Variants in SLC1A3 observed in about 807,000 individuals in gnomAD.
SLC1A3 encodes the protein excitatory amino acid transporter 1.
SLC1A3 carries 21 observed loss-of-function variants against 48.1 expected under a neutral mutation model. The observed-to-expected ratio is 0.44, with a 90% CI of 0.31 to 0.63. SLC1A3 has a LOEUF of 0.63. Among genes scored for constraint, SLC1A3 ranks in the 20% least tolerant of loss-of-function variants. SLC1A3 has a pLI of 0.08. For missense variants in SLC1A3, 546 were observed against 689.0 expected (o/e 0.79, Z 2.32); for synonymous variants, 239 against 251.4 (o/e 0.95, Z 0.47).
At chr5:36,627,494 C>CT (rs1254431488) in intron 2 of SLC1A3, among the ~76,000 whole-genome samples, 21 of 140,614 alleles carry the variant, frequency 1.5e-4, no homozygotes, top group African/African-American at 4.8e-4. Context: ...TAAAACTACA[C>CT]TAAAAAAAAA....
chr5:36,596,819 A>G (rs185014023), intron 1 of SLC1A3, among the ~76,000 whole-genome samples: 12 of 152,298 alleles, frequency 7.9e-5, no homozygotes, highest in Admixed American at 2.6e-4. Context: ...AATGTTAGCA[A>G]TTGTGACGAT....
At chr5:36,654,875 GA>G (rs1213177576) in intron 3 of SLC1A3, among the ~76,000 whole-genome samples, 2 of 152,214 alleles carry the variant, frequency 1.3e-5, no homozygotes, top group Admixed American at 6.5e-5. Flanking sequence ...GTTTGCATCT[GA>G]AAAGGTAAAC....
chr5:36,672,979 C>T (rs1742057236), intron 4 of SLC1A3, among the ~76,000 whole-genome samples: 2 of 152,258 alleles, frequency 1.3e-5, no homozygotes, highest in South Asian at 4.1e-4. Flanking sequence ...TTGTCATCCC[C>T]AGTCTGGTTG....
chr5:36,645,016 G>A (rs1740778677), intron 3 of SLC1A3, among the ~76,000 whole-genome samples: 2 of 152,182 alleles, frequency 1.3e-5, no homozygotes, highest in South Asian at 4.1e-4. Context: ...GATTTTACAA[G>A]CTGCTTCAGT....
chr5:36,680,644 G>A (rs1214110082), intron 8 of SLC1A3, 55 bp downstream of exon 8: 23 of 1,482,248 alleles, frequency 1.6e-5, no homozygotes, highest in South Asian at 2.3e-5. Context: ...AAGGCTGGGC[G>A]TGGTGGCTCA....
chr5:36,634,820 A>G (rs1313048380), intron 3 of SLC1A3, among the ~76,000 whole-genome samples: 3 of 152,214 alleles, frequency 2.0e-5, no homozygotes, highest in African/African-American at 7.2e-5. Flanking sequence ...GCAGTGAGCT[A>G]GAATCACCAG....
intron 3 of SLC1A3, among the ~76,000 whole-genome samples, chr5:36,660,100 T>C (rs1467009228): frequency 6.6e-6 from 1 of 152,252 alleles, no homozygotes; most frequent in Non-Finnish European, 1.5e-5. Flanking sequence ...AGTGTGACTA[T>C]ATTTTACTCA....
At chr5:36,678,398 C>T (rs746679600) in intron 6 of SLC1A3, among the ~76,000 whole-genome samples, 5 of 152,308 alleles carry the variant, frequency 3.3e-5, no homozygotes, top group Non-Finnish European at 7.3e-5. Context: ...CACCTTTCAC[C>T]TCTTTTATGA....
Position 36,625,918 on chromosome 5 carries a change from A to G in SLC1A3, c.182-3532A>G, listed in dbSNP as rs142476361. 2.2e-3 allele frequency among the ~76,000 whole-genome samples: 331 copies of G among 152,352 alleles called. 2 individuals carry two copies. Among genetic ancestry groups the G allele is most frequent in the African/African-American group, 7.7e-3 (322 of 41,584 alleles). On this transcript the variant is annotated intron_variant, in intron 2 of 9. Coordinates refer to ENST00000265113, the MANE Select transcript of SLC1A3 (RefSeq NM_004172.5). ...TCCCAGCAAGACCAGCTTGCTGACT[A>G]TAAGGAGAGACACACACAAAATATC...
intron 3 of SLC1A3, among the ~76,000 whole-genome samples, chr5:36,634,753 T>G (rs1026784231): frequency 3.3e-5 from 5 of 152,230 alleles, no homozygotes; most frequent in African/African-American, 7.2e-5. Context: ...GGCAGCTTCT[T>G]TTCAAATCTA....
At chr5:36,683,790 G>A (rs1037601020) in intron 8 of SLC1A3, 74 bp from the exon 9 acceptor site, 39 of 1,530,792 alleles carry the variant, frequency 2.5e-5, no homozygotes, top group South Asian at 1.2e-4. Flanking sequence ...GGCACCGTGC[G>A]TATTTTGCAG....
intron 8 of SLC1A3, among the ~76,000 whole-genome samples, chr5:36,682,874 T>C (rs1038729799): frequency 2.6e-5 from 4 of 152,240 alleles, no homozygotes; most frequent in African/African-American, 9.6e-5. Context: ...CCCAGTATCT[T>C]AGAAGGGGAC....
intron 2 of SLC1A3, among the ~76,000 whole-genome samples, chr5:36,623,384 T>A (rs916975990): frequency 6.6e-6 from 1 of 152,236 alleles, no homozygotes; most frequent in African/African-American, 2.4e-5. Context: ...GAAGTTATTT[T>A]GATTTTCATT....
At chr5:36,654,356 G>C (rs1297561398) in intron 3 of SLC1A3, among the ~76,000 whole-genome samples, 1 of 152,182 alleles carries the variant, frequency 6.6e-6, no homozygotes, top group Non-Finnish European at 1.5e-5. Flanking sequence ...TAATGACTGA[G>C]TCCCTGCTCA....
At chr5:36,625,494 T>C (rs533541719) in intron 2 of SLC1A3, among the ~76,000 whole-genome samples, 1 of 152,172 alleles carries the variant, frequency 6.6e-6, no homozygotes, top group South Asian at 2.1e-4. Context: ...TACAATAATA[T>C]CTACCTCATA....
intron 1 of SLC1A3, among the ~76,000 whole-genome samples, chr5:36,597,650 A>G (rs1738760451): frequency 6.6e-6 from 1 of 151,260 alleles, no homozygotes; most frequent in East Asian, 1.9e-4. Context: ...CTGACTTGGA[A>G]CTCTCTCCTC....
Position 36,656,491 on chromosome 5 carries a change from G to A in SLC1A3, c.320-14538G>A, listed in dbSNP as rs77625917. ...TATTTTTCATAATTTTTCTGTACTC[G>A]TGTACTTAGCCCTTTACATCATGTG... On this transcript the variant is annotated intron_variant, in intron 3 of 9. Transcript: ENST00000265113. 4.2e-3 allele frequency among the ~76,000 whole-genome samples: 641 copies of A among 152,172 alleles called. 21 individuals are homozygous for A. In the East Asian group the frequency reaches 0.086, roughly 20 times the overall value.
intron 3 of SLC1A3, among the ~76,000 whole-genome samples, chr5:36,655,101 G>A (rs1014527278): frequency 1.1e-4 from 17 of 152,178 alleles, no homozygotes; most frequent in African/African-American, 4.1e-4. Context: ...CCTCCTGGGG[G>A]ACCTGGAGGT....
intron 3 of SLC1A3, among the ~76,000 whole-genome samples, chr5:36,640,887 T>A (rs1268135405): frequency 6.6e-6 from 1 of 152,074 alleles, no homozygotes; most frequent in African/African-American, 2.4e-5. Context: ...TAGCAGATAT[T>A]TTATTACATT....
Sources: allele counts gnomAD v4.1 joint callset (sites outside exome capture counted in the v4.1 genomes callset), GRCh38; gene constraint gnomAD v4.1.1; transcripts MANE v1.5; gene names NCBI Gene and HGNC (gene_info 2026-07-23, HGNC 2026-07-21).